RP1: variants seen among roughly 807,000 people sequenced by gnomAD.
RP1 encodes the protein RP1 axonemal microtubule associated, also known as oxygen-regulated protein 1.
A neutral mutation model predicts 14.8 loss-of-function variants in RP1; 16 were observed. The observed-to-expected ratio is 1.08, with a 90% confidence interval of 0.73 to 1.65. RP1 has a LOEUF of 1.65. Among genes scored for constraint, RP1 ranks in the 40% most tolerant of loss-of-function variants. The pLI is 0.00. For missense variants in RP1, 2,631 were observed against 2,535.0 expected (o/e 1.04, Z -0.81); for synonymous variants, 876 against 883.6 (o/e 0.99, Z 0.15).
chr8:54,845,990 G>A (rs148959732), intron 25 of RP1, among the ~76,000 whole-genome samples: 143 of 152,290 alleles, frequency 9.4e-4, no homozygotes, highest in African/African-American at 3.3e-3. Context: ...TAAACTTCTG[G>A]TCTCTAAATA....
At chr8:54,597,957 T>C (rs768074827) in intron 1 of RP1, among the ~76,000 whole-genome samples, 19 of 152,080 alleles carry the variant, frequency 1.2e-4, no homozygotes, top group Non-Finnish European at 2.1e-4. Flanking sequence ...AGATGCAGAA[T>C]TGTTTGATTT....
intron 14 of RP1, chr8:54,706,373 T>C (rs1563353573): frequency 6.9e-7 from 1 of 1,452,126 alleles, no homozygotes; most frequent in East Asian, 2.5e-5. Flanking sequence ...ATTGCCTCTA[T>C]AGTTGTCTCC....
chr8:54,561,664 G>T (rs1030543114), intron 1 of RP1: 2 of 152,168 alleles, frequency 1.3e-5, no homozygotes, highest in African/African-American at 4.8e-5. Context: ...TTAACTGGCA[G>T]AAATGTGCAA....
At chr8:54,618,195 C>A (rs1805769098) in intron 1 of RP1, among the ~76,000 whole-genome samples, 1 of 152,218 alleles carries the variant, frequency 6.6e-6, no homozygotes, top group African/African-American at 2.4e-5. Flanking sequence ...GACCTGGCAT[C>A]TTCCCAGGTC....
Position 54,627,895 on chromosome 8 carries a change from T to A in RP1, c.4013T>A (p.Val1338Asp), listed in dbSNP as rs746414248. The A allele has an allele frequency of 1.9e-6, 3 of 1,614,196 alleles. No homozygotes were observed. The Admixed American group carries it at 5.0e-5, about 27-fold the overall frequency. ...GATGAGACCTACGTTCCTGTCAATGTCTGCAATACCATTGACTTTTTAAAC... is the reference window on the plus strand; with the variant it reads ...GATGAGACCTACGTTCCTGTCAATGACTGCAATACCATTGACTTTTTAAAC... ...PIDETYVPVN[V>D]CNTIDFLNSK... The change falls in exon 4 of 4, where the codon GTC (valine) becomes GAC (aspartate). Residue 1338 changes from valine (V) to aspartate (D), a missense_variant. Val to Asp is a radical substitution (Grantham distance 152). Coordinates refer to ENST00000220676, the MANE Select transcript of RP1 (RefSeq NM_006269.2).
chr8:54,640,165 T>G (rs1806428056), intron 3 of RP1, among the ~76,000 whole-genome samples: 1 of 152,104 alleles, frequency 6.6e-6, no homozygotes, highest in Non-Finnish European at 1.5e-5. Flanking sequence ...TTCATTTTAT[T>G]TTAAATGGAC....
intron 12 of RP1, among the ~76,000 whole-genome samples, chr8:54,687,749 T>C (rs955217120): frequency 2.6e-5 from 4 of 152,212 alleles, no homozygotes; most frequent in African/African-American, 9.6e-5. Flanking sequence ...TTTGCTACTG[T>C]GAACAGTGCC....
chr8:54,611,187 T>C (rs1563325158), upstream of RP1, among the ~76,000 whole-genome samples: 1 of 152,230 alleles, frequency 6.6e-6, no homozygotes, highest in Non-Finnish European at 1.5e-5. Flanking sequence ...CTCTTGTAGT[T>C]CATCCTACGT....
chr8:54,680,362 G>A (rs1388199122), intron 12 of RP1, among the ~76,000 whole-genome samples: 1 of 152,134 alleles, frequency 6.6e-6, no homozygotes, highest in Non-Finnish European at 1.5e-5. Context: ...AACTAGATTT[G>A]ATGTGTAATA....
Position 54,627,230 on chromosome 8 carries a change from CT to C in RP1, c.3351del (p.His1118IlefsTer13). 6.2e-7 allele frequency: 1 copy of C among 1,614,048 alleles called. No individual in the cohort carries two copies. On this transcript the variant is annotated frameshift_variant, in exon 4 of 4. Coordinates refer to ENST00000220676, the MANE Select transcript of RP1 (RefSeq NM_006269.2). LOFTEE classifies it low-confidence loss of function (END_TRUNC). ...TGCCAGGTTCACTTGCAGGTGTTCC[CT>C]TTCATTCTGCAATATGTAATTCATC... ...QMPGSLAGVP[F>X]HSAICNSSTN...
intron 1 of RP1, among the ~76,000 whole-genome samples, chr8:54,605,610 C>T (rs574320952): frequency 2.0e-5 from 3 of 152,138 alleles, no homozygotes; most frequent in South Asian, 2.1e-4. Flanking sequence ...CTTTCTGTCT[C>T]GTTGATCTGT....
chr8:54,560,705 T>G (rs960912071), intron 1 of RP1: 3 of 152,016 alleles, frequency 2.0e-5, no homozygotes, highest in Non-Finnish European at 2.9e-5. Context: ...AGGTTGGGAA[T>G]AATGCTGTGG....
At chr8:54,576,338 C>T (rs186043149) in intron 1 of RP1, among the ~76,000 whole-genome samples, 1 of 152,350 alleles carries the variant, frequency 6.6e-6, no homozygotes, top group Non-Finnish European at 1.5e-5. Flanking sequence ...AGCCACCGCG[C>T]CCGGCCAGAA....
At chr8:54,772,206 C>T (rs1375849573), downstream of RP1, among the ~76,000 whole-genome samples, 1 of 152,000 alleles carries the variant, frequency 6.6e-6, no homozygotes, top group African/African-American at 2.4e-5. Flanking sequence ...AACTACATTA[C>T]TCAGTTAGAC....
At chr8:54,595,365 G>A (rs1363046568) in intron 1 of RP1, among the ~76,000 whole-genome samples, 3 of 152,028 alleles carry the variant, frequency 2.0e-5, no homozygotes, top group Non-Finnish European at 1.5e-5. Flanking sequence ...TCCTGACCTC[G>A]TGATCCGCCC....
intron 24 of RP1, among the ~76,000 whole-genome samples, chr8:54,831,401 C>CTTTTTTTTTTTT (rs368455444): frequency 7.8e-5 from 8 of 102,678 alleles, no homozygotes; most frequent in South Asian, 3.6e-4. Context: ...CCTATTGTTT[C>CTTTTTTTTTTTT]TTTTTTTTTT....
chr8:54,665,081 A>G (rs1451730949), intron 7 of RP1, among the ~76,000 whole-genome samples: 1 of 152,092 alleles, frequency 6.6e-6, no homozygotes, highest in Non-Finnish European at 1.5e-5. Flanking sequence ...AAACCTTTGT[A>G]TTTCCTCTTT....
intron 26 of RP1, among the ~76,000 whole-genome samples, chr8:54,855,874 G>T (rs75361122): frequency 6.6e-6 from 1 of 151,166 alleles, no homozygotes; most frequent in East Asian, 1.9e-4. Context: ...TTGAACTCTC[G>T]TATGCTTCGC....
chr8:54,753,165 G>A lies in RP1; in HGVS notation c.2809-1638G>A, dbSNP rs187076252. On this transcript the variant is annotated intron_variant, in intron 19 of 22. Transcript: ENST00000636932. ...GTCACAGTTTTTCTAGCTGTCCAGT[G>A]TTCTTTTCAAGACCTCTTGCCTGGA... Among the ~76,000 whole-genome samples, 475 of 152,308 alleles carry A rather than the reference G, an allele frequency of 3.1e-3. 1 individual carries two copies. The highest frequency in any genetic ancestry group is 5.2e-3 in the Non-Finnish European group (351 of 68,032).
Sources: allele counts gnomAD v4.1 joint callset (sites outside exome capture counted in the v4.1 genomes callset), GRCh38; gene constraint gnomAD v4.1.1; transcripts MANE v1.5; gene names NCBI Gene and HGNC (gene_info 2026-07-23, HGNC 2026-07-21).